NRF1: variants seen among roughly 807,000 people sequenced by gnomAD.
NRF1 encodes alpha palindromic-binding protein.
A neutral mutation model predicts 58.5 loss-of-function variants in NRF1; 5 were observed. The observed-to-expected ratio is 0.09, with a 90% CI of 0.04 to 0.18. NRF1 has a LOEUF of 0.18. NRF1 is among the 10% of genes least tolerant of loss of function. NRF1 has a pLI of 1.00. For synonymous variants in NRF1, 224 were observed against 246.7 expected, an observed-to-expected ratio of 0.91 and a Z score of 0.86; for missense variants, 288 against 657.7, an observed-to-expected ratio of 0.44 and a Z score of 6.15.
intron 1 of NRF1, among the ~76,000 whole-genome samples, chr7:129,639,861 TA>T (rs1305872386): frequency 1.3e-5 from 2 of 152,132 alleles, no homozygotes; most frequent in Admixed American, 6.5e-5. Context: ...CCCCCTTTTT[TA>T]AAAAAAGTAA....
rs568015692 is a variant in NRF1, at chr7:129,615,973, A to G, written c.-7+4149A>G. 1.6e-4 allele frequency among the ~76,000 whole-genome samples: 24 copies of G among 152,220 alleles called. 1 individual carries two copies. The highest frequency in any genetic ancestry group is 4.1e-4 in the South Asian group (2 of 4,834). ...TTGTTTGAAGTTATTTTAGTGCAATATGGACAAAACTTGGGAAAGGAATTT... is the reference window on the plus strand; with the variant it reads ...TTGTTTGAAGTTATTTTAGTGCAATGTGGACAAAACTTGGGAAAGGAATTT... On this transcript the variant is annotated intron_variant, in intron 1 of 10. Transcript: ENST00000393232.
At chr7:129,680,657 C>T (rs1802287299) in intron 4 of NRF1, among the ~76,000 whole-genome samples, 1 of 152,090 alleles carries the variant, frequency 6.6e-6, no homozygotes, top group Non-Finnish European at 1.5e-5. Context: ...CATGGATGAA[C>T]CTTTAAAACA....
rs150499182 is a variant in NRF1, at chr7:129,703,458, G to A, written c.607-5617G>A. Among the ~76,000 whole-genome samples the A allele has an allele frequency of 2.2e-3, 334 of 152,254 alleles. 1 individual carries two copies. The highest frequency in any genetic ancestry group is 2.7e-3 in the Non-Finnish European group (182 of 68,010). On this transcript the variant is annotated intron_variant, in intron 5 of 10. Transcript: ENST00000393232. The stretch of plus-strand genomic sequence containing the variant: ...CAACTGGTAATGAGAGCACAGTTCC[G>A]AATTCTGGAAAGGAATCATTTGACT...
chr7:129,646,804 A>C (rs1216400557), intron 1 of NRF1, among the ~76,000 whole-genome samples: 1 of 152,194 alleles, frequency 6.6e-6, no homozygotes, highest in East Asian at 1.9e-4. Context: ...GAATAGTGCA[A>C]CTCTGACAAG....
At chr7:129,628,453 C>A (rs1800971149) in intron 1 of NRF1, among the ~76,000 whole-genome samples, 1 of 151,866 alleles carries the variant, frequency 6.6e-6, no homozygotes, top group Admixed American at 6.6e-5. Flanking sequence ...TAAAAAATAA[C>A]CCTGTACATG....
chr7:129,688,431 T>G (rs1265813174), intron 4 of NRF1, among the ~76,000 whole-genome samples: 3 of 152,164 alleles, frequency 2.0e-5, no homozygotes, highest in Admixed American at 6.5e-5. Context: ...ACAGCCTGTT[T>G]TTCTAATATG....
At chr7:129,730,386 C>T (rs543998031) in intron 10 of NRF1, among the ~76,000 whole-genome samples, 2 of 152,176 alleles carry the variant, frequency 1.3e-5, no homozygotes, top group South Asian at 2.1e-4. Context: ...GATAGCAGAA[C>T]AAGGTGCTGT....
chr7:129,614,571 C>A (rs1428101957), intron 1 of NRF1, among the ~76,000 whole-genome samples: 9 of 151,878 alleles, frequency 5.9e-5, no homozygotes, highest in African/African-American at 1.9e-4. Context: ...CCCACCTCAG[C>A]CTCCCCAGTA....
chr7:129,619,433 T>TATATATATACAC (rs1554401492), intron 1 of NRF1, among the ~76,000 whole-genome samples: 1 of 65,874 alleles, frequency 1.5e-5, no homozygotes, highest in African/African-American at 8.2e-5. Flanking sequence ...TATATATATA[T>TATATATATACAC]ACACACACAC....
chr7:129,740,707 C>T (rs563840160), intron 10 of NRF1, among the ~76,000 whole-genome samples: 2 of 152,322 alleles, frequency 1.3e-5, no homozygotes, highest in Middle Eastern at 3.4e-3. Flanking sequence ...TCTCCTGTCC[C>T]TCTTTGCGGG....
chr7:129,700,160 A>C (rs1175400422), intron 5 of NRF1, among the ~76,000 whole-genome samples: 1 of 151,972 alleles, frequency 6.6e-6, no homozygotes, highest in Non-Finnish European at 1.5e-5. Context: ...AAAGTCCTAG[A>C]AATAATTATG....
intron 2 of NRF1, among the ~76,000 whole-genome samples, chr7:129,666,175 GT>G (rs955378787): frequency 2.6e-5 from 4 of 152,152 alleles, no homozygotes; most frequent in Non-Finnish European, 4.4e-5. Flanking sequence ...GCTTTCACAT[GT>G]TTGCATCAAA....
intron 1 of NRF1, among the ~76,000 whole-genome samples, chr7:129,649,150 A>G (rs1363696239): frequency 6.6e-6 from 1 of 151,990 alleles, no homozygotes; most frequent in Non-Finnish European, 1.5e-5. Flanking sequence ...CTGTGGTGAG[A>G]TTTCCATCCA....
At chr7:129,754,767 T>C (rs1467912202) in intron 10 of NRF1, among the ~76,000 whole-genome samples, 2 of 152,188 alleles carry the variant, frequency 1.3e-5, no homozygotes, top group Admixed American at 1.3e-4. Flanking sequence ...AGTGTATACA[T>C]GCATTGAAAC....
chr7:129,637,871 TTG>T (rs1801203365), intron 1 of NRF1, among the ~76,000 whole-genome samples: 1 of 151,614 alleles, frequency 6.6e-6, no homozygotes, highest in Non-Finnish European at 1.5e-5. Context: ...ATTTTATTTT[TTG>T]TTTTTTTTTT....
intron 1 of NRF1, among the ~76,000 whole-genome samples, chr7:129,623,909 G>A (rs191267013): frequency 1.3e-5 from 2 of 152,318 alleles, no homozygotes; most frequent in Admixed American, 6.5e-5. Flanking sequence ...GACATGGCGG[G>A]AGGTAGAGAA....
At chr7:129,690,807 T>A (rs1244827509) in intron 5 of NRF1, among the ~76,000 whole-genome samples, 2 of 150,250 alleles carry the variant, frequency 1.3e-5, no homozygotes, top group African/African-American at 4.9e-5. Flanking sequence ...GGGTTGGATT[T>A]AAAAAAAAAC....
At chr7:129,616,071 A>G (rs1039551699) in intron 1 of NRF1, among the ~76,000 whole-genome samples, 1 of 152,136 alleles carries the variant, frequency 6.6e-6, no homozygotes, top group Non-Finnish European at 1.5e-5. Flanking sequence ...ACATATATAT[A>G]TTTTTTATTT....
At chr7:129,626,753 A>G (rs2151059287) in intron 1 of NRF1, among the ~76,000 whole-genome samples, 1 of 152,334 alleles carries the variant, frequency 6.6e-6, no homozygotes, top group East Asian at 1.9e-4. Context: ...ATGCATCTTT[A>G]TTCTCCTTCT....
Sources: gnomAD v4.1 joint callset for allele counts (sites outside exome capture counted in the v4.1 genomes callset) on GRCh38, gnomAD v4.1.1 for gene constraint, MANE v1.5 for transcripts, NCBI Gene and HGNC (gene_info 2026-07-23, HGNC 2026-07-21) for gene names.